The following C5AR2 variants were observed in gnomAD, a reference collection of about 807,000 sequenced individuals.
C5AR2 encodes the protein complement C5a receptor 2.
For synonymous variants in C5AR2, 224 were observed against 216.5 expected, an observed-to-expected ratio of 1.03 and a Z score of -0.30; for missense variants, 458 against 467.5, an observed-to-expected ratio of 0.98 and a Z score of 0.19.
rs1212821076 is a variant in C5AR2, at chr19:47,341,330, G to A, written c.531G>A (p.Gln177=). Residue 177 remains glutamine, a synonymous_variant, in exon 2 of 2, where the codon CAG becomes CAA. Coordinates refer to ENST00000595464, the MANE Select transcript of C5AR2 (RefSeq NM_001271749.2). This position sits in a 1 kb window ranked among gnomAD's most constrained non-coding sequence, Gnocchi z 4.6. ...CCGCCATCTACCGCCGGCTGCACCA[G>A]GAGCACTTCCCAGCCCGGCTGCAGT... is the stretch of plus-strand genomic sequence containing the variant. ...VPSAIYRRLH[Q]EHFPARLQCV... The A allele has an allele frequency of 6.2e-7, 1 of 1,611,616 alleles. No homozygotes were observed. Among genetic ancestry groups the A allele is most frequent in the Admixed American group, 1.7e-5 (1 of 60,010 alleles).
At chr19:47,333,705 A>G (rs2059347430) in intron 1 of C5AR2, among the ~76,000 whole-genome samples, 1 of 149,300 alleles carries the variant, frequency 6.7e-6, no homozygotes, top group South Asian at 2.1e-4. Flanking sequence ...CAGCCTCCTG[A>G]GTAGCTGGGA....
Position 47,345,398 on chromosome 19 carries a change from C to A in C5AR2, c.*3585C>A, listed in dbSNP as rs146881754. The A allele has an allele frequency of 0.095, 12,623 of 132,386 alleles. 644 individuals carry two copies. Among genetic ancestry groups the A allele is most frequent in the African/African-American group, 0.13 (4,544 of 34,646 alleles). The allele number at this position is 132,386 out of a possible 1,614,324, so 8.2% of individuals were successfully genotyped here. A position where few individuals can be genotyped will look rare whatever the true frequency, so the allele number is the denominator to read the frequency against. On this transcript the variant is annotated 3_prime_UTR_variant, in exon 2 of 2. Transcript: ENST00000595464. Reference sequence around the variant, plus strand: ...TTTTTTTTTGAGACGGAGTTTCACTCTTGTTGCCCAGGCTGGAGTGCAATG... The same window carrying A: ...TTTTTTTTTGAGACGGAGTTTCACTATTGTTGCCCAGGCTGGAGTGCAATG...
At chr19:47,338,656 A>AAATAAT (rs34869990) in intron 1 of C5AR2, among the ~76,000 whole-genome samples, 26,874 of 131,324 alleles carry the variant, frequency 0.2, 3,351 homozygotes, top group African/African-American at 0.34. Flanking sequence ...ATGACCTCCA[A>AAATAAT]AATAATAATA....
intron 1 of C5AR2, among the ~76,000 whole-genome samples, chr19:47,339,267 C>T (rs1186787811): frequency 6.6e-6 from 1 of 152,060 alleles, no homozygotes. Flanking sequence ...CCCACGTGGC[C>T]CTACATGCCG....
At position 47,346,941 on chromosome 19, in the gene C5AR2, A is replaced by G. The variant is rs1969128006; in HGVS notation, c.*5128A>G. The G allele has an allele frequency of 6.6e-6, 1 of 152,092 alleles. No individual in the cohort carries two copies. 9.4% of individuals were successfully genotyped at this position (152,092 alleles called of 1,614,324 possible). On this transcript the variant is annotated 3_prime_UTR_variant, in exon 2 of 2. Transcript: ENST00000595464. ...CATTCTTTGATAACTTTTACAAAAC[A>G]TCTTTTGTGGTTTTTGAAATGTTTT...
chr19:47,333,354 T>C (rs568536127), intron 1 of C5AR2, among the ~76,000 whole-genome samples: 10 of 152,260 alleles, frequency 6.6e-5, no homozygotes, highest in African/African-American at 1.9e-4. Flanking sequence ...GTGGTGTTTG[T>C]TCATTCTCAT....
intron 1 of C5AR2, 140 bp from the exon 2 acceptor site, chr19:47,340,645 A>T (rs140938152): frequency 1.3e-6 from 1 of 768,056 alleles, no homozygotes; most frequent in Non-Finnish European, 2.2e-6. Flanking sequence ...TAGAATTCCA[A>T]TATTCTAAAG....
In C5AR2 at chr19:47,344,374, G is replaced by C. The variant is rs1309288056; in HGVS notation, c.*2561G>C. ...AATAAATAAATAAATAAATAACATA[G>C]TAGTGATACCTGTGTCTGCGGTCAT... On this transcript the variant is annotated 3_prime_UTR_variant, in exon 2 of 2. Transcript: ENST00000595464. 1 of 151,818 alleles carries C rather than the reference G, an allele frequency of 6.6e-6. No homozygotes were observed. The highest frequency in any genetic ancestry group is 1.5e-5 in the Non-Finnish European group (1 of 68,068). The allele number at this position is 151,818 out of a possible 1,614,324, so 9.4% of individuals were successfully genotyped here.
chr19:47,332,531 A>G (rs2059343590), intron 1 of C5AR2, among the ~76,000 whole-genome samples, 182 bp downstream of exon 1: 2 of 152,198 alleles, frequency 1.3e-5, no homozygotes, highest in African/African-American at 4.8e-5. Flanking sequence ...TGGGCAGCCC[A>G]GCAGCAAAGC....
chr19:47,341,190 G>A lies in C5AR2; in HGVS notation c.391G>A (p.Asp131Asn), dbSNP rs759736544. The change falls in exon 2 of 2, where the codon GAC (aspartate) becomes AAC (asparagine). Residue 131 changes from aspartate (D) to asparagine (N), a missense_variant. By Grantham distance (23) the Asp-to-Asn change is conservative. Transcript: ENST00000595464. This position sits in a 1 kb window ranked among gnomAD's most constrained non-coding sequence, Gnocchi z 4.6. ...CCTGCTCCTGGCAGCTCTCAGTGCC[G>A]ACCTCTGCTTCCTGGCTCTCGGGCC... is the stretch of plus-strand genomic sequence containing the variant. ...SVLLLAALSA[D>N]LCFLALGPAW... 3.7e-6 allele frequency: 6 copies of A among 1,601,006 alleles called. No homozygotes were observed. The highest frequency in any genetic ancestry group is 1.1e-5 in the South Asian group (1 of 91,070).
In C5AR2 at chr19:47,335,041, C is replaced by T. The variant is rs555231134; in HGVS notation, c.-16+2692C>T. On this transcript the variant is annotated intron_variant, in intron 1 of 1. Transcript: ENST00000595464. ...CTGAGATTACAGGCACTCGCCCCCA[C>T]GCCCAGCTAATTTTTTTTTTTTTTT... 1.3e-4 allele frequency among the ~76,000 whole-genome samples: 16 copies of T among 123,534 alleles called. No homozygotes were observed. The East Asian group carries it at 2.2e-3, about 17-fold the overall frequency. 81.0% of individuals were successfully genotyped at this position (123,534 alleles called of 152,430 possible).
At chr19:47,339,541 T>C (rs2059374194) in intron 1 of C5AR2, among the ~76,000 whole-genome samples, 1 of 152,086 alleles carries the variant, frequency 6.6e-6, no homozygotes, top group Non-Finnish European at 1.5e-5. Flanking sequence ...GGTCTCAAAC[T>C]CCTGACCTCA....
At position 47,341,539 on chromosome 19, in the gene C5AR2, C is replaced by A; in HGVS notation, c.740C>A (p.Ala247Glu). 6.2e-7 allele frequency: 1 copy of A among 1,612,700 alleles called. No homozygotes were observed. Among genetic ancestry groups the A allele is most frequent in the Non-Finnish European group, 8.5e-7 (1 of 1,179,644 alleles). Reference sequence around the variant, plus strand: ...GTGGTGGGGTTTTTTGTCTGCTGGGCACCCTACCACCTGCTGGGGCTGGTG... The same window carrying A: ...GTGGTGGGGTTTTTTGTCTGCTGGGAACCCTACCACCTGCTGGGGCTGGTG... ...AIVVGFFVCW[A>E]PYHLLGLVLT... The change falls in exon 2 of 2, where the codon GCA (alanine) becomes GAA (glutamate). Residue 247 changes from alanine to glutamate, a missense_variant. Physicochemically the swap from Ala to Glu is moderately radical, Grantham distance 107 (BLOSUM62 -1). Transcript: ENST00000595464. This position sits in a 1 kb window ranked among gnomAD's most constrained non-coding sequence, Gnocchi z 4.6.
rs1280808162 is a variant in C5AR2, at chr19:47,340,845, C to T, written c.46C>T (p.Leu16Phe). The change falls in exon 2 of 2, where the codon CTC becomes TTC. Residue 16 changes from leucine (L) to phenylalanine (F), a missense_variant. Coordinates refer to ENST00000595464, the MANE Select transcript of C5AR2 (RefSeq NM_001271749.2). ...VSYEYGDYSD[L>F]SDRPVDCLDG... ...CTACGAGTATGGGGATTACAGCGAC[C>T]TCTCGGACCGCCCTGTGGACTGCCT... 4 of 1,613,658 alleles carry T rather than the reference C, an allele frequency of 2.5e-6. No individual in the cohort carries two copies. Among genetic ancestry groups the T allele is most frequent in the East Asian group, 2.2e-5 (1 of 44,886 alleles).
At chr19:47,336,644 T>C (rs770250986) in intron 1 of C5AR2, among the ~76,000 whole-genome samples, 3 of 151,922 alleles carry the variant, frequency 2.0e-5, no homozygotes, top group Non-Finnish European at 4.4e-5. Flanking sequence ...AAGGTTGGGA[T>C]TGCAGGCACG....
chr19:47,342,225 CAT>C lies in C5AR2; in HGVS notation c.*413_*414del, dbSNP rs1297553560. ...CAAAAATTAGCCGGGCATGGTGGCG[CAT>C]GCCTGTAGTCCCAGCTACTTGGGAG... On this transcript the variant is annotated 3_prime_UTR_variant, in exon 2 of 2. Transcript: ENST00000595464. 6.1e-5 allele frequency: 10 copies of C among 162,682 alleles called. No homozygotes were observed. Among genetic ancestry groups the C allele is most frequent in the South Asian group, 4.8e-4 (3 of 6,216 alleles). 10.1% of individuals were successfully genotyped at this position (162,682 alleles called of 1,614,324 possible).
intron 1 of C5AR2, among the ~76,000 whole-genome samples, chr19:47,339,765 C>T (rs35053131): frequency 2.0e-5 from 3 of 152,102 alleles, no homozygotes; most frequent in Non-Finnish European, 4.4e-5. Flanking sequence ...AAACACTCTT[C>T]CCCCAGATCT....
intron 1 of C5AR2, among the ~76,000 whole-genome samples, chr19:47,333,967 T>G (rs7254700): frequency 2.0e-5 from 3 of 152,122 alleles, no homozygotes; most frequent in Admixed American, 6.6e-5. Flanking sequence ...AAGAGGCACA[T>G]GTGAGGGTGC....
chr19:47,335,227 T>C (rs562204296), intron 1 of C5AR2, among the ~76,000 whole-genome samples: 1 of 152,038 alleles, frequency 6.6e-6, no homozygotes, highest in Admixed American at 6.6e-5. Flanking sequence ...CCATTGTTAT[T>C]GAATGGCCTT....
Sources: gnomAD v4.1 joint callset for allele counts (sites outside exome capture counted in the v4.1 genomes callset) on GRCh38, gnomAD v4.1.1 for gene constraint, Gnocchi (gnomAD v3.1) non-coding constraint, MANE v1.5 for transcripts, NCBI Gene and HGNC (gene_info 2026-07-23, HGNC 2026-07-21) for gene names.